Variants in GRIN2A observed in about 807,000 individuals in gnomAD.
The protein encoded by GRIN2A is glutamate receptor ionotropic, NMDA 2A.
A neutral mutation model predicts 113.4 loss-of-function variants in GRIN2A; 22 were observed. The ratio of observed to expected loss-of-function variants is 0.19; its 90% CI spans 0.14 to 0.28. The LOEUF is 0.28. Ranked by LOEUF, GRIN2A falls within the 10% of genes least tolerant of loss-of-function variation. The pLI is 1.00. For missense variants in GRIN2A, 1,502 were observed against 1,887.0 expected (o/e 0.80, Z 3.78); for synonymous variants, 827 against 738.4 (o/e 1.12, Z -1.94).
Position 9,938,315 on chromosome 16 carries a change from G to T in GRIN2A, c.651C>A (p.Val217=), listed in dbSNP as rs2141631710. 6.2e-7 allele frequency: 1 copy of T among 1,613,902 alleles called. No homozygotes were observed. Among genetic ancestry groups the T allele is most frequent in the South Asian group, 1.1e-5 (1 of 91,060 alleles). ...DTSFEDAKTQ[V]QLKKIHSSVI... Reference sequence around the variant, plus strand: ...CAGAAGAGTGGATCTTCTTCAGCTGGACTTGTGTCTTTGCATCCTCAAAGG... The same window carrying T: ...CAGAAGAGTGGATCTTCTTCAGCTGTACTTGTGTCTTTGCATCCTCAAAGG... The change falls in exon 3 of 13, where the codon GTC becomes GTA. Residue 217 remains valine, a synonymous_variant. Transcript: ENST00000330684.
intron 9 of GRIN2A, among the ~76,000 whole-genome samples, chr16:9,825,351 A>C (rs1367121282): frequency 6.6e-6 from 1 of 152,200 alleles, no homozygotes; most frequent in Non-Finnish European, 1.5e-5. Context: ...GTTACCCACG[A>C]CATTTCAGCC....
At chr16:9,894,866 C>G (rs1260282931) in intron 3 of GRIN2A, among the ~76,000 whole-genome samples, 6 of 152,154 alleles carry the variant, frequency 3.9e-5, no homozygotes. Flanking sequence ...TCTGTCAATG[C>G]AGTCATTCAT....
intron 11 of GRIN2A, chr16:9,769,302 T>C (rs574962964): frequency 4.6e-5 from 17 of 370,244 alleles, no homozygotes; most frequent in South Asian, 1.2e-4. Flanking sequence ...GGACAAAATT[T>C]ATATATAAAA....
chr16:9,853,123 G>A (rs778402043), intron 4 of GRIN2A, among the ~76,000 whole-genome samples: 1 of 152,202 alleles, frequency 6.6e-6, no homozygotes. Context: ...AATTCAGGAT[G>A]AGTTGCATCG....
At chr16:10,009,043 G>T (rs888912441) in intron 2 of GRIN2A, among the ~76,000 whole-genome samples, 1 of 152,190 alleles carries the variant, frequency 6.6e-6, no homozygotes, top group Non-Finnish European at 1.5e-5. Context: ...ATGAAAATAC[G>T]TTATATGTCA....
rs182482069 is a variant in GRIN2A at position 10,108,732 on chromosome 16, T to C, written c.414+71266A>G. Among the ~76,000 whole-genome samples the C allele has an allele frequency of 2.3e-3, 356 of 152,316 alleles. 1 individual carries two copies. The highest frequency in any genetic ancestry group is 8.0e-3 in the African/African-American group (334 of 41,564). On this transcript the variant is annotated intron_variant, in intron 2 of 12. Coordinates refer to ENST00000330684, the MANE Select transcript of GRIN2A (RefSeq NM_001134407.3). ...GCTAGCATACTTGGAAACCACCATA[T>C]ATGTTCTTGGAAATTCACCAAGCAC...
chr16:9,853,965 T>C (rs897315240), intron 4 of GRIN2A, among the ~76,000 whole-genome samples: 1 of 152,156 alleles, frequency 6.6e-6, no homozygotes, highest in Non-Finnish European at 1.5e-5. Context: ...ACCTCAATAA[T>C]CTACAATAAT....
intron 2 of GRIN2A, among the ~76,000 whole-genome samples, chr16:10,060,997 A>G (rs1371142410): frequency 6.6e-6 from 1 of 152,212 alleles, no homozygotes; most frequent in Non-Finnish European, 1.5e-5. Flanking sequence ...TAATTCAGAA[A>G]CAATGTTTCT....
rs570603535 is a variant in GRIN2A, at chr16:10,176,583, G to A, written c.414+3415C>T. On this transcript the variant is annotated intron_variant, in intron 2 of 12. Coordinates refer to ENST00000330684, the MANE Select transcript of GRIN2A (RefSeq NM_001134407.3). ...ATGAAGCTGGAAACCATCATTCTCAGCAAACTAACGCAAGGACAAAAAACC... is the reference window on the plus strand; with the variant it reads ...ATGAAGCTGGAAACCATCATTCTCAACAAACTAACGCAAGGACAAAAAACC... 5.3e-3 allele frequency among the ~76,000 whole-genome samples: 799 copies of A among 151,838 alleles called. 2 individuals carry two copies. The highest frequency in any genetic ancestry group is 8.5e-3 in the Non-Finnish European group (577 of 67,968).
At chr16:9,834,696 T>A (rs2042558246) in intron 7 of GRIN2A, among the ~76,000 whole-genome samples, 1 of 152,242 alleles carries the variant, frequency 6.6e-6, no homozygotes, top group Admixed American at 6.5e-5. Flanking sequence ...AGACATTTTT[T>A]ATTCATCATT....
At position 9,756,490 on chromosome 16, in the gene GRIN2A, C is replaced by G. The variant is rs886052529; in HGVS notation, c.*6659G>C. The G allele has an allele frequency of 8.9e-6, 2 of 224,554 alleles. No homozygotes were observed. The highest frequency in any genetic ancestry group is 1.8e-5 in the Non-Finnish European group (2 of 112,556). 13.9% of individuals were successfully genotyped at this position (224,554 alleles called of 1,614,324 possible). ...CCAGGAACCTCAAAAGAGCACACCT[C>G]TCTTTCTGACTTCTATTCTGACCTC... On this transcript the variant is annotated 3_prime_UTR_variant, in exon 13 of 13. Transcript: ENST00000330684.
At chr16:9,798,809 A>G (rs1032140314) in intron 10 of GRIN2A, among the ~76,000 whole-genome samples, 2 of 152,242 alleles carry the variant, frequency 1.3e-5, no homozygotes, top group African/African-American at 4.8e-5. Context: ...TCAGAACAAA[A>G]TAAACCACTA....
At chr16:9,951,919 C>G (rs1270299063) in intron 2 of GRIN2A, among the ~76,000 whole-genome samples, 1 of 152,100 alleles carries the variant, frequency 6.6e-6, no homozygotes, top group East Asian at 1.9e-4. Context: ...TTGATGAACA[C>G]AGAAGGCACT....
In GRIN2A at chr16:9,895,986, T is replaced by C. The variant is rs986578573; in HGVS notation, c.1008-4886A>G. Reference sequence around the variant, plus strand: ...CAGGGAACAAATGTTTTGGTTTCGATAAAGACACTTGCTCCTGGGGAGAGC... The same window carrying C: ...CAGGGAACAAATGTTTTGGTTTCGACAAAGACACTTGCTCCTGGGGAGAGC... On this transcript the variant is annotated intron_variant, in intron 3 of 12. Transcript: ENST00000330684. Among the ~76,000 whole-genome samples, 2 of 152,234 alleles carry C rather than the reference T, an allele frequency of 1.3e-5. 1 individual carries two copies. Among genetic ancestry groups the C allele is most frequent in the Middle Eastern group, 6.8e-3 (2 of 294 alleles).
chr16:9,992,541 C>T (rs1327552002), intron 2 of GRIN2A, among the ~76,000 whole-genome samples: 1 of 152,198 alleles, frequency 6.6e-6, no homozygotes, highest in East Asian at 1.9e-4. Context: ...TGAAAATAAC[C>T]CGCCTCGTTT....
chr16:9,833,021 T>C (rs539911949), intron 8 of GRIN2A, among the ~76,000 whole-genome samples: 1 of 152,324 alleles, frequency 6.6e-6, no homozygotes, highest in African/African-American at 2.4e-5. Flanking sequence ...TTTTGGGGGA[T>C]ATGAGACTTC....
rs117952602 is a variant in GRIN2A, at chr16:10,000,186, C to T, written c.415-61635G>A. Among the ~76,000 whole-genome samples the T allele has an allele frequency of 8.3e-4, 127 of 152,270 alleles. 1 individual carries two copies. In the East Asian group the frequency reaches 0.022, roughly 26 times the overall value. On this transcript the variant is annotated intron_variant, in intron 2 of 12. Transcript: ENST00000330684. ...AATCTCCCCATTTCAAGAGCCTTAACTTAATCACAGTTGTAAAATCTCTTT... is the reference window on the plus strand; with the variant it reads ...AATCTCCCCATTTCAAGAGCCTTAATTTAATCACAGTTGTAAAATCTCTTT...
At chr16:10,015,952 C>T (rs2046601715) in intron 2 of GRIN2A, among the ~76,000 whole-genome samples, 1 of 151,924 alleles carries the variant, frequency 6.6e-6, no homozygotes, top group South Asian at 2.1e-4. Context: ...CCCGTCTCTA[C>T]TAAAAATACA....
At chr16:10,109,222 G>C (rs1237248602) in intron 2 of GRIN2A, among the ~76,000 whole-genome samples, 8 of 151,346 alleles carry the variant, frequency 5.3e-5, no homozygotes. Flanking sequence ...TTTTCAAAAA[G>C]AAATAGAAAC....
Sources: gnomAD v4.1 joint callset for allele counts (sites outside exome capture counted in the v4.1 genomes callset) on GRCh38, gnomAD v4.1.1 for gene constraint, MANE v1.5 for transcripts, NCBI Gene and HGNC (gene_info 2026-07-23, HGNC 2026-07-21) for gene names.